FAM135B: variants seen among roughly 807,000 people sequenced by gnomAD.
FAM135B encodes protein FAM135B.
Under a neutral mutation model 127.7 loss-of-function variants are expected in FAM135B, and 43 were observed. That is an observed-to-expected ratio of 0.34 (90% CI 0.26 to 0.43). The LOEUF is 0.43. Ranked by LOEUF, FAM135B falls within the 20% of genes least tolerant of loss-of-function variation. FAM135B has a pLI of 1.00. For synonymous variants in FAM135B, 670 were observed against 665.1 expected, an observed-to-expected ratio of 1.01 and a Z score of -0.11; for missense variants, 1,558 against 1,725.6, an observed-to-expected ratio of 0.90 and a Z score of 1.72.
intron 7 of FAM135B, among the ~76,000 whole-genome samples, chr8:138,203,454 G>GC (rs1462355712): frequency 6.6e-6 from 1 of 152,134 alleles, no homozygotes; most frequent in Non-Finnish European, 1.5e-5. Context: ...TCTTATCTCT[G>GC]CCCCAGGTTG....
At chr8:138,143,213 A>T (rs1817364674) in intron 15 of FAM135B, 104 bp from the exon 16 acceptor site, 1 of 676,022 alleles carries the variant, frequency 1.5e-6, no homozygotes, top group Non-Finnish European at 2.7e-6. Context: ...CCTACTGGGG[A>T]TGTGCCTACC....
At chr8:138,496,065 T>C (rs995950149) in intron 1 of FAM135B, among the ~76,000 whole-genome samples, 1 of 152,138 alleles carries the variant, frequency 6.6e-6, no homozygotes, top group African/African-American at 2.4e-5. Context: ...TCCCTAATAG[T>C]CAACGGCAAT....
At chr8:138,396,450 G>C (rs1181187122) in intron 1 of FAM135B, among the ~76,000 whole-genome samples, 1 of 152,192 alleles carries the variant, frequency 6.6e-6, no homozygotes, top group Non-Finnish European at 1.5e-5. Flanking sequence ...CAATGACTCA[G>C]GGCAAGAGTG....
chr8:138,287,719 A>G (rs1156836918), intron 3 of FAM135B, among the ~76,000 whole-genome samples: 2 of 152,158 alleles, frequency 1.3e-5, no homozygotes, highest in South Asian at 2.1e-4. Context: ...AGCTACTGAA[A>G]TGAAGTCACT....
At chr8:138,338,155 C>T (rs1346011453) in intron 2 of FAM135B, among the ~76,000 whole-genome samples, 4 of 152,024 alleles carry the variant, frequency 2.6e-5, no homozygotes, top group African/African-American at 7.3e-5. Context: ...CCATAAAAAC[C>T]CTAGAAGAAA....
chr8:138,138,019 C>A lies in FAM135B; in HGVS notation c.3902-759G>T, dbSNP rs116945371. Among the ~76,000 whole-genome samples the A allele has an allele frequency of 2.3e-3, 352 of 152,274 alleles. 7 individuals carry two copies. In the East Asian group the frequency reaches 0.052, roughly 23 times the overall value. On this transcript the variant is annotated intron_variant, in intron 18 of 19. Transcript: ENST00000395297. ...CTCATCAGACATCACACATTGGGGG[C>A]AGCCTACTTCAACAGCTGGCCAATA...
chr8:138,198,215 T>A (rs531741473), intron 7 of FAM135B, among the ~76,000 whole-genome samples: 1 of 152,220 alleles, frequency 6.6e-6, no homozygotes, highest in East Asian at 1.9e-4. Flanking sequence ...CCCCTGCACA[T>A]GCTCTCTTGC....
intron 7 of FAM135B, among the ~76,000 whole-genome samples, chr8:138,207,651 C>A (rs1433921302): frequency 1.3e-5 from 2 of 152,182 alleles, no homozygotes; most frequent in Non-Finnish European, 2.9e-5. Flanking sequence ...CATAGGAAGG[C>A]ACATACTGTG....
chr8:138,421,355 T>C (rs1031956304), intron 1 of FAM135B, among the ~76,000 whole-genome samples: 5 of 152,094 alleles, frequency 3.3e-5, no homozygotes, highest in African/African-American at 1.2e-4. Flanking sequence ...AGACAAACTA[T>C]CTGTTTTCAC....
chr8:138,282,952 G>A (rs1396254357), intron 3 of FAM135B, among the ~76,000 whole-genome samples: 1 of 152,170 alleles, frequency 6.6e-6, no homozygotes, highest in Non-Finnish European at 1.5e-5. Flanking sequence ...CCAGGCTACA[G>A]TGCAGTGGTG....
intron 7 of FAM135B, among the ~76,000 whole-genome samples, chr8:138,217,674 G>T (rs755966350): frequency 1.3e-5 from 2 of 151,918 alleles, no homozygotes; most frequent in African/African-American, 4.8e-5. Context: ...CTTGTGATCC[G>T]CTCGCCTCAG....
At position 138,174,807 on chromosome 8, in the gene FAM135B, G is replaced by A. The variant is rs565850106; in HGVS notation, c.1103+2540C>T. Among the ~76,000 whole-genome samples, 3 of 152,166 alleles carry A rather than the reference G, an allele frequency of 2.0e-5. No individual in the cohort carries two copies. In the East Asian group the frequency reaches 5.8e-4, roughly 30 times the overall value. ...GACAATTCATGAACTAGGACTCTCT[G>A]TTCCTCTCACAGCGATGCATGTTTC... is the stretch of plus-strand genomic sequence containing the variant. On this transcript the variant is annotated intron_variant, in intron 11 of 19. Transcript: ENST00000395297.
At chr8:138,299,577 A>ATACACG (rs1236492061) in intron 3 of FAM135B, among the ~76,000 whole-genome samples, 14 of 150,036 alleles carry the variant, frequency 9.3e-5, no homozygotes, top group Admixed American at 4.0e-4. Context: ...ATACATACAC[A>ATACACG]TACACACATA....
chr8:138,242,882 C>T lies in FAM135B; in HGVS notation c.669+60G>A, dbSNP rs2130379529. 1.3e-6 allele frequency: 2 copies of T among 1,572,142 alleles called. No homozygotes were observed. The highest frequency in any genetic ancestry group is 1.7e-6 in the Non-Finnish European group (2 of 1,161,208). On this transcript the variant is annotated intron_variant, in intron 7 of 19. Transcript: ENST00000395297. This position sits in a 1 kb window ranked among gnomAD's most constrained non-coding sequence, Gnocchi z 9.6. ...TCAAAGAAGCATGAATCTCATAGAA[C>T]ATACACTCTGCAAAGTAAAGTTTGA... is the stretch of plus-strand genomic sequence containing the variant.
At chr8:138,438,372 A>C (rs1467413664) in intron 1 of FAM135B, 1 of 152,168 alleles carries the variant, frequency 6.6e-6, no homozygotes, top group East Asian at 1.9e-4. Flanking sequence ...AGAATCAAAA[A>C]ATATAATAAA....
chr8:138,191,701 T>C (rs1816141696), intron 9 of FAM135B, among the ~76,000 whole-genome samples: 1 of 152,198 alleles, frequency 6.6e-6, no homozygotes, highest in Non-Finnish European at 1.5e-5. Flanking sequence ...TGAATGGCAG[T>C]CGTTCCCAGG....
chr8:138,214,074 A>T (rs76929626), intron 7 of FAM135B, among the ~76,000 whole-genome samples: 2 of 151,978 alleles, frequency 1.3e-5, no homozygotes, highest in Admixed American at 1.3e-4. Flanking sequence ...TCCCATCCCA[A>T]CACAACTGAG....
At chr8:138,203,448 A>G (rs12541700) in intron 7 of FAM135B, among the ~76,000 whole-genome samples, 76,647 of 151,986 alleles carry the variant, frequency 0.5, 19,422 homozygotes, top group South Asian at 0.54. Flanking sequence ...AAATTCTCTT[A>G]TCTCTGCCCC....
intron 2 of FAM135B, among the ~76,000 whole-genome samples, chr8:138,358,969 G>C (rs970182610): frequency 1.3e-5 from 2 of 152,056 alleles, no homozygotes; most frequent in South Asian, 4.1e-4. Context: ...TCAGCCAGGG[G>C]TTAAGAGGAT....
Sources: gnomAD v4.1 joint callset for allele counts (sites outside exome capture counted in the v4.1 genomes callset) on GRCh38, gnomAD v4.1.1 for gene constraint, Gnocchi (gnomAD v3.1) non-coding constraint, MANE v1.5 for transcripts, NCBI Gene and HGNC (gene_info 2026-07-23, HGNC 2026-07-21) for gene names.